Variants in HIPK1 observed in about 807,000 individuals in gnomAD.
The protein encoded by HIPK1 is homeodomain-interacting protein kinase 1.
In HIPK1, 28 loss-of-function variants were observed where a neutral mutation model predicts 117.1. The observed-to-expected ratio is 0.24, with a 90% confidence interval of 0.18 to 0.33. The LOEUF (loss-of-function observed/expected upper bound fraction) is 0.33. HIPK1 is among the 10% of genes least tolerant of loss of function. The probability of loss-of-function intolerance (pLI) is 1.00; values close to 1 mark genes in which losing one functional copy is unlikely to be tolerated. For synonymous variants in HIPK1, 605 were observed against 562.5 expected (o/e 1.08, Z -1.07); for missense variants, 1,122 against 1,475.1 (o/e 0.76, Z 3.92).
intron 1 of HIPK1, among the ~76,000 whole-genome samples, chr1:113,933,463 G>A (rs893462267): frequency 6.6e-6 from 1 of 152,046 alleles, no homozygotes; most frequent in Non-Finnish European, 1.5e-5. Flanking sequence ...AGGAATTTTG[G>A]TGTTTGTCCT....
chr1:113,973,005 TCTTC>T lies in HIPK1; in HGVS notation c.3145-14_3145-11del, dbSNP rs1025867535. The T allele has an allele frequency of 1.3e-6, 2 of 1,512,790 alleles. No individual in the cohort carries two copies. The highest frequency in any genetic ancestry group is 1.8e-6 in the Non-Finnish European group (2 of 1,130,830). 93.7% of individuals were successfully genotyped at this position (1,512,790 alleles called of 1,614,324 possible). ...TGGAGTGACCTCAGGATTCCTCACTTCTTCCTTCTTTCTTCCAGAACCAGCAGTC... is the reference window on the plus strand; with the variant it reads ...TGGAGTGACCTCAGGATTCCTCACTTCTTCTTTCTTCCAGAACCAGCAGTC... On this transcript the variant is annotated splice_polypyrimidine_tract_variant and intron_variant, in intron 15 of 15. Transcript: ENST00000426820.
rs144139630 is a variant in HIPK1, at chr1:113,941,286, A to G, written c.903A>G (p.Thr301=). 4.6e-4 allele frequency: 736 copies of G among 1,614,244 alleles called. 1 individual carries two copies. The highest frequency in any genetic ancestry group is 5.8e-4 in the Non-Finnish European group (688 of 1,180,028). ...GACCAATCTTGCAGCAGGTGGCCAC[A>G]GCCTTGATGAAGCTCAAGAGTCTTG... The part of the protein sequence containing the change: ...YIRPILQQVA[T]ALMKLKSLGL... The change falls in exon 2 of 16, where the codon ACA becomes ACG. Residue 301 remains threonine (T), a synonymous_variant. Transcript: ENST00000426820. The surrounding 1 kb of genome is among the most constrained non-coding windows in gnomAD (Gnocchi z 4.9).
At chr1:113,970,284 G>GAT in intron 14 of HIPK1, 87 bp downstream of exon 14, 1 of 1,375,256 alleles carries the variant, frequency 7.3e-7, no homozygotes, top group Non-Finnish European at 1.0e-6. Context: ...TATATCAGTG[G>GAT]TAGAGACCAG....
intron 2 of HIPK1, among the ~76,000 whole-genome samples, chr1:113,944,743 GC>G: frequency 6.6e-6 from 1 of 152,280 alleles, no homozygotes; most frequent in Middle Eastern, 3.4e-3. Flanking sequence ...ACAGGCATGA[GC>G]CACCGGGCCC....
intron 1 of HIPK1, among the ~76,000 whole-genome samples, chr1:113,937,224 T>C (rs926245575): frequency 1.3e-5 from 2 of 152,208 alleles, no homozygotes; most frequent in Non-Finnish European, 2.9e-5. Context: ...GTTTTAGAAA[T>C]TGAAGGCAGA....
intron 12 of HIPK1, 96 bp from the exon 13 acceptor site, chr1:113,968,346 G>A (rs538624871): frequency 3.7e-5 from 32 of 859,108 alleles, no homozygotes; most frequent in South Asian, 3.2e-4. Flanking sequence ...ATGTAAAAAG[G>A]AATCAATGAG....
intron 1 of HIPK1, among the ~76,000 whole-genome samples, chr1:113,938,450 G>A (rs1331058432): frequency 1.3e-5 from 2 of 152,062 alleles, no homozygotes; most frequent in South Asian, 2.1e-4. Flanking sequence ...GAGAAACCCC[G>A]GGAGAAGGGG....
chr1:113,946,472 T>A lies in HIPK1; in HGVS notation c.1076+5013T>A, dbSNP rs536397934. Among the ~76,000 whole-genome samples the A allele has an allele frequency of 3.0e-3, 464 of 152,352 alleles. 3 individuals are homozygous for A. Among genetic ancestry groups the A allele is most frequent in the Middle Eastern group, 0.01 (3 of 294 alleles). On this transcript the variant is annotated intron_variant, in intron 2 of 15. Transcript: ENST00000426820. Reference sequence around the variant, plus strand: ...TAAAAATTATTTGGCTTTGTTATAATTGGGGCATGTTAATACAAAATAAAA... The same window carrying A: ...TAAAAATTATTTGGCTTTGTTATAAATGGGGCATGTTAATACAAAATAAAA...
intron 1 of HIPK1, among the ~76,000 whole-genome samples, chr1:113,931,168 GTTTTT>G (rs35159791): frequency 7.3e-6 from 1 of 137,004 alleles, no homozygotes; most frequent in African/African-American, 2.7e-5. Context: ...TGGTCTGTGG[GTTTTT>G]TTTTTTTTTT....
chr1:113,965,342 T>G (rs918086811), intron 10 of HIPK1, among the ~76,000 whole-genome samples: 3 of 152,182 alleles, frequency 2.0e-5, no homozygotes, highest in Non-Finnish European at 4.4e-5. Context: ...AGAAAACATT[T>G]GTTGCTCAGT....
chr1:113,963,245 A>T, intron 9 of HIPK1, 142 bp from the exon 10 acceptor site: 1 of 911,222 alleles, frequency 1.1e-6, no homozygotes, highest in African/African-American at 1.7e-5. Context: ...GAAGGGGGAA[A>T]GTTGTGTTTG....
chr1:113,967,688 A>G (rs1166442738), intron 11 of HIPK1, 78 bp from the exon 12 acceptor site: 2 of 1,044,014 alleles, frequency 1.9e-6, no homozygotes, highest in Non-Finnish European at 2.7e-6. Context: ...ATTTTGGCTA[A>G]TTGCTTTTGA....
At chr1:113,940,125 C>T (rs1670552822) in intron 1 of HIPK1, among the ~76,000 whole-genome samples, 1 of 152,060 alleles carries the variant, frequency 6.6e-6, no homozygotes, top group South Asian at 2.1e-4. Context: ...ACTTTTTTAT[C>T]TTAAAATGTG....
At position 113,950,703 on chromosome 1, in the gene HIPK1, G is replaced by C. The variant is rs536248228; in HGVS notation, c.1077-2063G>C. On this transcript the variant is annotated intron_variant, in intron 2 of 15. Coordinates refer to ENST00000426820, the MANE Select transcript of HIPK1 (RefSeq NM_198268.3). ...TTTTTAGTAGAGATGGAGTTTCACC[G>C]TGTTGACCAGGCTGTTCTCGAACTC... is the stretch of plus-strand genomic sequence containing the variant. 3.3e-5 allele frequency among the ~76,000 whole-genome samples: 5 copies of C among 152,196 alleles called. No individual in the cohort carries two copies. The South Asian group carries it at 1.0e-3, about 32-fold the overall frequency.
Position 113,958,570 on chromosome 1 carries a change from C to T in HIPK1, c.1981+279C>T, listed in dbSNP as rs76781674. Among the ~76,000 whole-genome samples the T allele has an allele frequency of 6.8e-3, 1,036 of 152,212 alleles. 28 individuals are homozygous for T. The highest frequency in any genetic ancestry group is 0.045 in the East Asian group (232 of 5,184). On this transcript the variant is annotated intron_variant, in intron 8 of 15. Coordinates refer to ENST00000426820, the MANE Select transcript of HIPK1 (RefSeq NM_198268.3). ...GCCCATTGAGTCCTTGTGTCAATGT[C>T]GTACGTCTTGTATAAGCATGTATCT... is the stretch of plus-strand genomic sequence containing the variant.
chr1:113,940,693 C>A lies in HIPK1; in HGVS notation c.310C>A (p.Gln104Lys). 3 of 1,614,148 alleles carry A rather than the reference C, an allele frequency of 1.9e-6. No individual in the cohort carries two copies. Among genetic ancestry groups the A allele is most frequent in the Non-Finnish European group, 2.5e-6 (3 of 1,180,036 alleles). ...SAATSTFQSS[Q>K]TLTHRSNVSL... ...TGCTACATCAACCTTCCAAAGCAGC[C>A]AGACCCTGACTCACAGAAGCAACGT... Residue 104 changes from glutamine to lysine, a missense_variant, in exon 2 of 16, where the codon CAG (glutamine) becomes AAG (lysine). Physicochemically the swap from Gln to Lys is moderately conservative, Grantham distance 53. Around this residue, in one of 6 missense-constraint regions of HIPK1, gnomAD observed 192 missense variants for 234.0 expected, o/e 0.82. Coordinates refer to ENST00000426820, the MANE Select transcript of HIPK1 (RefSeq NM_198268.3).
chr1:113,949,020 TAG>T (rs755876507), intron 2 of HIPK1, among the ~76,000 whole-genome samples: 17 of 152,020 alleles, frequency 1.1e-4, no homozygotes, highest in Non-Finnish European at 2.1e-4. Context: ...GTATTTTTAG[TAG>T]AGACTGGGTT....
chr1:113,954,070 C>T (rs1671548090), intron 3 of HIPK1: 1 of 152,486 alleles, frequency 6.6e-6, no homozygotes, highest in Non-Finnish European at 1.5e-5. Context: ...AAGTGATCCT[C>T]CCACCTCAGC....
intron 8 of HIPK1, among the ~76,000 whole-genome samples, chr1:113,961,064 T>C (rs1442790638): frequency 2.6e-5 from 4 of 152,226 alleles, no homozygotes; most frequent in Admixed American, 2.6e-4. Flanking sequence ...ATTGGAAATA[T>C]AATAGCAACT....
Sources: allele counts gnomAD v4.1 joint callset (sites outside exome capture counted in the v4.1 genomes callset), GRCh38; gene constraint gnomAD v4.1.1; regional missense constraint gnomAD v4.1.1; non-coding constraint Gnocchi (gnomAD v3.1); transcripts MANE v1.5; gene names NCBI Gene and HGNC (gene_info 2026-07-23, HGNC 2026-07-21).